The following TRAF3 variants were observed in gnomAD, a reference collection of about 807,000 sequenced individuals.
TRAF3 encodes TNF receptor-associated factor 3.
A neutral mutation model predicts 62.3 loss-of-function variants in TRAF3; 13 were observed. The observed-to-expected ratio is 0.21, with a 90% CI of 0.14 to 0.33. The LOEUF (loss-of-function observed/expected upper bound fraction) is 0.33, where lower values mean the gene tolerates loss of function less well. Ranked by LOEUF, TRAF3 falls within the 10% of genes least tolerant of loss-of-function variation. The probability of loss-of-function intolerance (pLI) is 1.00; values close to 1 mark genes in which losing one functional copy is unlikely to be tolerated. For synonymous variants in TRAF3, 269 were observed against 283.4 expected, an observed-to-expected ratio of 0.95 and a Z score of 0.51; for missense variants, 440 against 741.8, an observed-to-expected ratio of 0.59 and a Z score of 4.73.
At position 102,900,180 on chromosome 14, in the gene TRAF3, GA is replaced by G. The variant is rs56203426; in HGVS notation, c.960+2802del. On this transcript the variant is annotated intron_variant, in intron 10 of 11. Coordinates refer to ENST00000392745, the MANE Select transcript of TRAF3 (RefSeq NM_145725.3). ...GGAGAAAGAGCAAGACTCCGTCTCG[GA>G]AAAAAAAAAAAAAAAAAAAAAAGAC... Among the ~76,000 whole-genome samples, 56 of 91,460 alleles carry G rather than the reference GA, an allele frequency of 6.1e-4. 1 individual carries two copies. Among genetic ancestry groups the G allele is most frequent in the Middle Eastern group, 0.017 (2 of 116 alleles). The allele number at this position is 91,460 out of a possible 152,430, so 60.0% of individuals were successfully genotyped here.
At chr14:102,865,582 C>G (rs376785850) in intron 2 of TRAF3, among the ~76,000 whole-genome samples, 1 of 151,608 alleles carries the variant, frequency 6.6e-6, no homozygotes, top group East Asian at 1.9e-4. Context: ...TCACTGAAAC[C>G]TCTGCCTCCC....
At chr14:102,800,700 T>TG (rs1388248201) in intron 1 of TRAF3, among the ~76,000 whole-genome samples, 1 of 148,528 alleles carries the variant, frequency 6.7e-6, no homozygotes, top group Non-Finnish European at 1.5e-5. Context: ...TTTTCCTTTT[T>TG]TTTTTTTTTT....
chr14:102,783,840 T>G (rs1301930027), intron 1 of TRAF3, among the ~76,000 whole-genome samples: 2 of 152,148 alleles, frequency 1.3e-5, no homozygotes, highest in Non-Finnish European at 2.9e-5. Flanking sequence ...GGCAGGCTGC[T>G]TGGCCCCGCT....
At position 102,905,484 on chromosome 14, in the gene TRAF3, G is replaced by A. The variant is rs200974693; in HGVS notation, c.1407G>A (p.Thr469=). The part of the protein sequence containing the change: ...YLNGDGMGKG[T]HLSLFFVIMR... Reference sequence around the variant, plus strand: ...ACGGGGACGGGATGGGGAAGGGGACGCACTTGTCGCTGTTTTTTGTCATCA... The same window carrying A: ...ACGGGGACGGGATGGGGAAGGGGACACACTTGTCGCTGTTTTTTGTCATCA... The change falls in exon 12 of 12, where the codon ACG becomes ACA. Residue 469 remains threonine, a synonymous_variant. Transcript: ENST00000392745. 1.3e-5 allele frequency: 21 copies of A among 1,614,230 alleles called. No individual in the cohort carries two copies. In the East Asian group the frequency reaches 1.6e-4, roughly 12 times the overall value.
intron 2 of TRAF3, among the ~76,000 whole-genome samples, chr14:102,833,053 C>G (rs973578503): frequency 2.0e-5 from 3 of 152,214 alleles, no homozygotes; most frequent in African/African-American, 7.2e-5. Flanking sequence ...CCTCCATGTG[C>G]ACTGTGCACT....
intron 2 of TRAF3, among the ~76,000 whole-genome samples, chr14:102,866,850 A>AAAACAC (rs1460360373): frequency 7.6e-6 from 1 of 132,278 alleles, no homozygotes; most frequent in South Asian, 2.5e-4. Flanking sequence ...ATCTCTTGAA[A>AAAACAC]ACACACACAC....
chr14:102,851,876 G>A (rs1444709253), intron 2 of TRAF3, among the ~76,000 whole-genome samples: 4 of 151,868 alleles, frequency 2.6e-5, no homozygotes, highest in Admixed American at 6.6e-5. Flanking sequence ...GCAACATGGC[G>A]AGACCCTGTC....
At chr14:102,816,792 A>T (rs1337468894) in intron 1 of TRAF3, among the ~76,000 whole-genome samples, 1 of 152,050 alleles carries the variant, frequency 6.6e-6, no homozygotes, top group Non-Finnish European at 1.5e-5. Context: ...GACACTGTGG[A>T]TGGGTAGTCA....
At chr14:102,786,767 T>G (rs1048371987) in intron 1 of TRAF3, among the ~76,000 whole-genome samples, 1 of 152,120 alleles carries the variant, frequency 6.6e-6, no homozygotes, top group Non-Finnish European at 1.5e-5. Flanking sequence ...GGGGGATCGC[T>G]TGAATCCAGG....
chr14:102,778,033 CG>C (rs1456270771), intron 1 of TRAF3, among the ~76,000 whole-genome samples: 5 of 150,238 alleles, frequency 3.3e-5, no homozygotes, highest in African/African-American at 1.2e-4. Context: ...CCCGGCACCC[CG>C]CGGGGCCGCG....
chr14:102,841,551 G>A (rs972432073), intron 2 of TRAF3, among the ~76,000 whole-genome samples: 1 of 152,220 alleles, frequency 6.6e-6, no homozygotes, highest in Non-Finnish European at 1.5e-5. Flanking sequence ...TTAGCAGTGG[G>A]GCTGAGTTAT....
At chr14:102,836,633 T>G (rs1409158024) in intron 2 of TRAF3, among the ~76,000 whole-genome samples, 2 of 152,230 alleles carry the variant, frequency 1.3e-5, no homozygotes, top group Non-Finnish European at 2.9e-5. Context: ...CTAGTGTGTC[T>G]AGCAGTTGTA....
intron 2 of TRAF3, among the ~76,000 whole-genome samples, chr14:102,839,385 A>G (rs1349555763): frequency 5.3e-5 from 8 of 151,826 alleles, no homozygotes; most frequent in African/African-American, 1.7e-4. Flanking sequence ...CTTCTGGCTG[A>G]TTTTTTGTAT....
At chr14:102,853,194 C>T (rs1887150838) in intron 2 of TRAF3, among the ~76,000 whole-genome samples, 1 of 152,002 alleles carries the variant, frequency 6.6e-6, no homozygotes, top group African/African-American at 2.4e-5. Flanking sequence ...AGCCATTGCA[C>T]CTGGCCTTTA....
chr14:102,779,775 GAAATTGCGTT>G, intron 1 of TRAF3, among the ~76,000 whole-genome samples: 1 of 152,336 alleles, frequency 6.6e-6, no homozygotes, highest in Non-Finnish European at 1.5e-5. Flanking sequence ...GCAAACAAAG[GAAATTGCGTT>G]AAATTTGCCC....
chr14:102,831,135 T>G (rs867190829), intron 2 of TRAF3, among the ~76,000 whole-genome samples: 1 of 152,208 alleles, frequency 6.6e-6, no homozygotes, highest in African/African-American at 2.4e-5. Context: ...CATGGGACTT[T>G]GACAGAGAGC....
chr14:102,834,841 A>C (rs1342937809), intron 2 of TRAF3, among the ~76,000 whole-genome samples: 2 of 152,202 alleles, frequency 1.3e-5, no homozygotes, highest in African/African-American at 4.8e-5. Context: ...AGGAACTGAC[A>C]AAGGTTTCAT....
rs766877688 is a variant in TRAF3 at position 102,886,278 on chromosome 14, G to C, written c.651+9G>C. 2 of 1,599,418 alleles carry C rather than the reference G, an allele frequency of 1.3e-6. No homozygotes were observed. The highest frequency in any genetic ancestry group is 3.4e-5 in the Admixed American group (2 of 58,842). On this transcript the variant is annotated intron_variant, in intron 7 of 11. Transcript: ENST00000392745. Reference sequence around the variant, plus strand: ...CTCTCCTGAGGAGCGAGGTAGGGGCGGCCGGGCCCGGCCGGGAGTCTGTGG... The same window carrying C: ...CTCTCCTGAGGAGCGAGGTAGGGGCCGCCGGGCCCGGCCGGGAGTCTGTGG...
chr14:102,897,989 A>G (rs1890090205), intron 10 of TRAF3, among the ~76,000 whole-genome samples: 1 of 152,264 alleles, frequency 6.6e-6, no homozygotes, highest in Admixed American at 6.5e-5. Flanking sequence ...GCTTGTTAAT[A>G]GATGATCATT....
Sources: allele counts gnomAD v4.1 joint callset (sites outside exome capture counted in the v4.1 genomes callset), GRCh38; gene constraint gnomAD v4.1.1; transcripts MANE v1.5; gene names NCBI Gene and HGNC (gene_info 2026-07-23, HGNC 2026-07-21).